Variants in CLPTM1 observed in about 807,000 individuals in gnomAD.
CLPTM1 encodes putative lipid scramblase CLPTM1.
CLPTM1 carries 21 observed loss-of-function variants against 77.3 expected under a neutral mutation model. The ratio of observed to expected loss-of-function variants is 0.27; its 90% CI spans 0.19 to 0.39. The LOEUF (loss-of-function observed/expected upper bound fraction) is 0.39, where lower values mean the gene tolerates loss of function less well. Ranked by LOEUF, CLPTM1 falls within the 10% of genes least tolerant of loss-of-function variation. CLPTM1 has a pLI of 1.00. For synonymous variants in CLPTM1, 373 were observed against 381.0 expected, an observed-to-expected ratio of 0.98 and a Z score of 0.24; for missense variants, 642 against 921.2, an observed-to-expected ratio of 0.70 and a Z score of 3.92.
chr19:44,965,032 A>T (rs1317306331), intron 2 of CLPTM1, among the ~76,000 whole-genome samples: 1 of 152,128 alleles, frequency 6.6e-6, no homozygotes, highest in African/African-American at 2.4e-5. Flanking sequence ...ACCTAGTGAC[A>T]GTCACCTTCT....
At chr19:44,979,989 GT>G (rs1247502470) in intron 5 of CLPTM1, among the ~76,000 whole-genome samples, 1 of 152,210 alleles carries the variant, frequency 6.6e-6, no homozygotes, top group African/African-American at 2.4e-5. Context: ...ATTTTCTGCA[GT>G]TTTGTCTTTG....
chr19:44,992,409 C>T lies in CLPTM1; in HGVS notation c.1723+9C>T, dbSNP rs776131283. 10 of 1,613,894 alleles carry T rather than the reference C, an allele frequency of 6.2e-6. No homozygotes were observed. Among genetic ancestry groups the T allele is most frequent in the East Asian group, 4.5e-5 (2 of 44,886 alleles). The stretch of plus-strand genomic sequence containing the variant: ...CGGCTGCCTGCGGGACGGTGAGGCC[C>T]GGTGGGCAGGTGGGAGCTCCCACCG... On this transcript the variant is annotated intron_variant, in intron 13 of 13. Coordinates refer to ENST00000337392, the MANE Select transcript of CLPTM1 (RefSeq NM_001294.4). The surrounding 1 kb of genome is among the most constrained non-coding windows in gnomAD (Gnocchi z 7.7).
rs181554129 is a variant in CLPTM1 at position 44,990,384 on chromosome 19, C to T, written c.1133-11C>T. 249 of 1,613,602 alleles carry T rather than the reference C, an allele frequency of 1.5e-4. 1 individual carries two copies. The East Asian group carries it at 5.2e-3, about 34-fold the overall frequency. ...TCAGCCTCCTGGTTCCCCCCTACCC[C>T]CTGCGCACAGATATCCAGTTCTGGA... On this transcript the variant is annotated splice_polypyrimidine_tract_variant and intron_variant, in intron 9 of 13. Transcript: ENST00000337392. This position sits in a 1 kb window ranked among gnomAD's most constrained non-coding sequence, Gnocchi z 4.8.
chr19:44,968,181 A>G (rs950855984), intron 2 of CLPTM1, among the ~76,000 whole-genome samples: 12 of 152,192 alleles, frequency 7.9e-5, no homozygotes, highest in African/African-American at 2.9e-4. Context: ...GCAGCATCAA[A>G]CATCAGTTCG....
rs1175458306 is a variant in CLPTM1 at position 44,992,173 on chromosome 19, G to A, written c.1556-60G>A. ...TGAGGGGGCTGGTATGGCCAGTGCAGAGTGCACAGGGGAGAGGTGGGAGAG... is the reference window on the plus strand; with the variant it reads ...TGAGGGGGCTGGTATGGCCAGTGCAAAGTGCACAGGGGAGAGGTGGGAGAG... On this transcript the variant is annotated intron_variant, in intron 12 of 13. Coordinates refer to ENST00000337392, the MANE Select transcript of CLPTM1 (RefSeq NM_001294.4). The surrounding 1 kb of genome is among the most constrained non-coding windows in gnomAD (Gnocchi z 7.7). 6.4e-7 allele frequency: 1 copy of A among 1,568,968 alleles called. No individual in the cohort carries two copies. The highest frequency in any genetic ancestry group is 1.3e-5 in the African/African-American group (1 of 74,080).
chr19:44,991,400 G>C lies in CLPTM1; in HGVS notation c.1555+27G>C. On this transcript the variant is annotated intron_variant, in intron 12 of 13. Transcript: ENST00000337392. This position sits in a 1 kb window ranked among gnomAD's most constrained non-coding sequence, Gnocchi z 5.4. Reference sequence around the variant, plus strand: ...TGAGCGGTCCGGCCGCCCCAGGAGAGAGCAGGCCCCATGCTGCGCAGGGCT... The same window carrying C: ...TGAGCGGTCCGGCCGCCCCAGGAGACAGCAGGCCCCATGCTGCGCAGGGCT... The C allele has an allele frequency of 3.7e-6, 6 of 1,605,240 alleles. No homozygotes were observed. In the East Asian group the frequency reaches 6.7e-5, roughly 18 times the overall value.
intron 2 of CLPTM1, among the ~76,000 whole-genome samples, chr19:44,964,636 G>T (rs1242047392): frequency 6.6e-6 from 1 of 152,060 alleles, no homozygotes; most frequent in Non-Finnish European, 1.5e-5. Context: ...TAAGTATGTA[G>T]TCCTGTGGCA....
Position 44,961,962 on chromosome 19 carries a change from G to A in CLPTM1, c.73-1G>A. The A allele has an allele frequency of 6.2e-7, 1 of 1,600,406 alleles. No homozygotes were observed. The highest frequency in any genetic ancestry group is 8.5e-7 in the Non-Finnish European group (1 of 1,174,682). On this transcript the variant is annotated splice_acceptor_variant, in intron 1 of 13. Coordinates refer to ENST00000337392, the MANE Select transcript of CLPTM1 (RefSeq NM_001294.4). LOFTEE classifies it high-confidence loss of function. ...CTTACCCTGGCCTCTGTCCCCCACA[G>A]GTGACCAGCAATGGCAGCATCGGGA...
intron 7 of CLPTM1, 109 bp from the exon 8 acceptor site, chr19:44,987,070 C>A: frequency 7.2e-7 from 1 of 1,394,546 alleles, no homozygotes; most frequent in Non-Finnish European, 9.7e-7. Flanking sequence ...GTCCCCTGTC[C>A]TCCAGTCTCT....
chr19:44,990,766 C>A lies in CLPTM1; in HGVS notation c.1324-84C>A. ...ACACATGGGGCAGGGGAACTGGGAA[C>A]GGTGGGGAAGGGCAGGGGCTGGTTC... On this transcript the variant is annotated intron_variant, in intron 10 of 13. Transcript: ENST00000337392. The surrounding 1 kb of genome is among the most constrained non-coding windows in gnomAD (Gnocchi z 4.8). The A allele has an allele frequency of 7.6e-7, 1 of 1,319,880 alleles. No homozygotes were observed. The allele number at this position is 1,319,880 out of a possible 1,614,324, so 81.8% of individuals were successfully genotyped here. A position where few individuals can be genotyped will look rare whatever the true frequency, so the allele number is the denominator to read the frequency against.
At chr19:44,977,097 T>TG (rs1423228209) in intron 4 of CLPTM1, among the ~76,000 whole-genome samples, 3 of 151,970 alleles carry the variant, frequency 2.0e-5, no homozygotes, top group East Asian at 3.9e-4. Context: ...ATCCTCTAGG[T>TG]GGGGCCCTGA....
chr19:44,989,877 C>A, intron 9 of CLPTM1: 1 of 154,200 alleles, frequency 6.5e-6, no homozygotes, highest in Non-Finnish European at 1.4e-5. Context: ...GGGCCCTTTT[C>A]AGTTTCCTGA....
intron 8 of CLPTM1, chr19:44,987,719 T>A (rs1386831653): frequency 1.8e-6 from 1 of 546,098 alleles, no homozygotes; most frequent in East Asian, 3.2e-5. Context: ...CAACTCTGTG[T>A]CTCTGCCATC....
At chr19:44,974,179 C>G (rs1970769004) in intron 3 of CLPTM1, among the ~76,000 whole-genome samples, 1 of 152,126 alleles carries the variant, frequency 6.6e-6, no homozygotes, top group South Asian at 2.1e-4. Context: ...CTGCCCCTTC[C>G]TACCCCTAAA....
Position 44,991,057 on chromosome 19 carries a change from A to G in CLPTM1, c.1419+112A>G. The G allele has an allele frequency of 7.7e-7, 1 of 1,295,946 alleles. No individual in the cohort carries two copies. The highest frequency in any genetic ancestry group is 1.1e-6 in the Non-Finnish European group (1 of 916,968). 80.3% of individuals were successfully genotyped at this position (1,295,946 alleles called of 1,614,324 possible). A position where few individuals can be genotyped will look rare whatever the true frequency, so the allele number is the denominator to read the frequency against. On this transcript the variant is annotated intron_variant, in intron 11 of 13. Coordinates refer to ENST00000337392, the MANE Select transcript of CLPTM1 (RefSeq NM_001294.4). This position sits in a 1 kb window ranked among gnomAD's most constrained non-coding sequence, Gnocchi z 5.4. ...GGACCCATGCTTTACAGCCTGTGCC[A>G]CATCCTCTGTGTCCCCCATCTGCCA...
intron 8 of CLPTM1, 142 bp downstream of exon 8, chr19:44,987,565 TC>T: frequency 8.5e-7 from 1 of 1,178,274 alleles, no homozygotes; most frequent in African/African-American, 1.5e-5. Context: ...AGGTCCCTTC[TC>T]CACAGTGAAA....
rs1971090590 is a variant in CLPTM1, at chr19:44,992,445, C to T, written c.1723+45C>T. 1 of 1,611,534 alleles carries T rather than the reference C, an allele frequency of 6.2e-7. No individual in the cohort carries two copies. Among genetic ancestry groups the T allele is most frequent in the African/African-American group, 1.3e-5 (1 of 74,864 alleles). On this transcript the variant is annotated intron_variant, in intron 13 of 13. Transcript: ENST00000337392. The surrounding 1 kb of genome is among the most constrained non-coding windows in gnomAD (Gnocchi z 7.7). ...TGGGAGCTCCCACCGGAACAGGGCC[C>T]TGAGGCAGTCTTTAGGGCCCAGGCC...
rs375159260 is a variant in CLPTM1 at position 44,987,202 on chromosome 19, G to A, written c.817G>A (p.Gly273Ser). ...AGATGTGAAGTTCGACGCCGTGAGC[G>A]GTGACTACTATCCCATCATCTACTT... is the stretch of plus-strand genomic sequence containing the variant. ...DQYVKFDAVS[G>S]DYYPIIYFND... The change falls in exon 8 of 14, where the codon GGT becomes AGT. Residue 273 changes from glycine to serine, a missense_variant. Gly to Ser is a moderately conservative substitution (Grantham distance 56). This residue lies in a region of CLPTM1 where 521 missense variants were observed against 800.4 expected (regional missense o/e 0.65). Transcript: ENST00000337392. 6 of 1,612,274 alleles carry A rather than the reference G, an allele frequency of 3.7e-6. No individual in the cohort carries two copies. Among genetic ancestry groups the A allele is most frequent in the Non-Finnish European group, 5.1e-6 (6 of 1,178,442 alleles).
At position 44,986,448 on chromosome 19, in the gene CLPTM1, G is replaced by A; in HGVS notation, c.673-7G>A. 1 of 1,613,582 alleles carries A rather than the reference G, an allele frequency of 6.2e-7. No individual in the cohort carries two copies. The highest frequency in any genetic ancestry group is 8.5e-7 in the Non-Finnish European group (1 of 1,179,720). On this transcript the variant is annotated splice_region_variant and splice_polypyrimidine_tract_variant and intron_variant, in intron 6 of 13. Coordinates refer to ENST00000337392, the MANE Select transcript of CLPTM1 (RefSeq NM_001294.4). Reference sequence around the variant, plus strand: ...CCTCTGAGGTCCTTCCCCCCATGTTGCCTCAGAGGGCTGAGGACTATGGGC... The same window carrying A: ...CCTCTGAGGTCCTTCCCCCCATGTTACCTCAGAGGGCTGAGGACTATGGGC...
Sources: allele counts gnomAD v4.1 joint callset (sites outside exome capture counted in the v4.1 genomes callset), GRCh38; gene constraint gnomAD v4.1.1; regional missense constraint gnomAD v4.1.1; non-coding constraint Gnocchi (gnomAD v3.1); transcripts MANE v1.5; gene names NCBI Gene and HGNC (gene_info 2026-07-23, HGNC 2026-07-21).